MARCHF8: variants seen among roughly 807,000 people sequenced by gnomAD.
MARCHF8 encodes E3 ubiquitin-protein ligase MARCHF8.
MARCHF8 carries 40 observed loss-of-function variants against 51.6 expected under a neutral mutation model. The ratio of observed to expected loss-of-function variants is 0.77; its 90% CI spans 0.60 to 1.01. The LOEUF (loss-of-function observed/expected upper bound fraction) is 1.01. Ranked by LOEUF, MARCHF8 falls within the 50% of genes least tolerant of loss-of-function variation. The pLI is 0.00. For synonymous variants in MARCHF8, 263 were observed against 280.3 expected (o/e 0.94, Z 0.62); for missense variants, 685 against 708.6 (o/e 0.97, Z 0.38).
At chr10:45,524,498 T>C (rs2043759393) in intron 2 of MARCHF8, among the ~76,000 whole-genome samples, 2 of 152,196 alleles carry the variant, frequency 1.3e-5, no homozygotes, top group Non-Finnish European at 2.9e-5. Flanking sequence ...GTAAGGTAGA[T>C]GGATGATTCA....
Position 45,550,640 on chromosome 10 carries a change from T to G in MARCHF8, c.-78-17351A>C, listed in dbSNP as rs187536025. The stretch of plus-strand genomic sequence containing the variant: ...ACCCCCTGACCATCCGAGATATGTC[T>G]GCCCAGGCAGGACAAATCTTCTCAA... On this transcript the variant is annotated intron_variant, in intron 1 of 6. Transcript: ENST00000319836. Among the ~76,000 whole-genome samples, 18 of 152,170 alleles carry G rather than the reference T, an allele frequency of 1.2e-4. No homozygotes were observed. The East Asian group carries it at 3.1e-3, about 26-fold the overall frequency.
chr10:45,560,046 A>G (rs780785072), intron 1 of MARCHF8, among the ~76,000 whole-genome samples: 8 of 152,114 alleles, frequency 5.3e-5, no homozygotes, highest in Non-Finnish European at 1.0e-4. Context: ...GGAAGAGGCT[A>G]ATTAGGTAAG....
chr10:45,463,655 T>C lies in MARCHF8; in HGVS notation c.584A>G (p.Asn195Ser), dbSNP rs918221766. ...ILPQDTCLRT[N>S]RFHHKEKRTL... The stretch of plus-strand genomic sequence containing the variant: ...TCTTTTTTCTTTATGATGAAACCTG[T>C]TAGTTCTGAGACACGTATCTTGAGG... The change falls in exon 5 of 8, where the codon AAC becomes AGC. Residue 195 changes from asparagine (N) to serine (S), a missense_variant. Asn to Ser is a conservative substitution (Grantham distance 46). Coordinates refer to ENST00000453424, the MANE Select transcript of MARCHF8 (RefSeq NM_001282866.2). 6.4e-7 allele frequency: 1 copy of C among 1,550,626 alleles called. No homozygotes were observed. Among genetic ancestry groups the C allele is most frequent in the African/African-American group, 1.4e-5 (1 of 73,052 alleles).
At chr10:45,534,470 C>T (rs1242563613) in intron 1 of MARCHF8, among the ~76,000 whole-genome samples, 1 of 152,044 alleles carries the variant, frequency 6.6e-6, no homozygotes, top group African/African-American at 2.4e-5. Flanking sequence ...CTTACGCATC[C>T]CCCAAAATGT....
intron 1 of MARCHF8, chr10:45,553,233 AAGAT>A (rs2044215168): frequency 1.3e-5 from 2 of 152,178 alleles, no homozygotes; most frequent in Admixed American, 6.6e-5. Context: ...TTTAAAAAAA[AAGAT>A]AGAATTCTAT....
chr10:45,588,808 C>G (rs2044645608), intron 1 of MARCHF8, among the ~76,000 whole-genome samples: 1 of 151,924 alleles, frequency 6.6e-6, no homozygotes. Context: ...ACCATCCTGG[C>G]TAACACAGTG....
chr10:45,485,682 A>G (rs576579331), intron 3 of MARCHF8, among the ~76,000 whole-genome samples: 9 of 152,322 alleles, frequency 5.9e-5, no homozygotes, highest in African/African-American at 2.2e-4. Context: ...GGCATGATTA[A>G]AGGTTTATTT....
At chr10:45,464,380 T>G in intron 3 of MARCHF8, 53 bp from the exon 4 acceptor site, 1 of 1,471,828 alleles carries the variant, frequency 6.8e-7, no homozygotes, top group African/African-American at 1.4e-5. Context: ...GGGGATTGTG[T>G]GCACTGTCTC....
At chr10:45,550,401 T>C (rs78316263) in intron 1 of MARCHF8, among the ~76,000 whole-genome samples, 1 of 152,150 alleles carries the variant, frequency 6.6e-6, no homozygotes, top group Non-Finnish European at 1.5e-5. Flanking sequence ...TGGCCAAAGT[T>C]TGTAACAGAA....
intron 3 of MARCHF8, among the ~76,000 whole-genome samples, chr10:45,480,892 C>T (rs1781188876): frequency 6.6e-6 from 1 of 152,224 alleles, no homozygotes; most frequent in Non-Finnish European, 1.5e-5. Context: ...ATCCTCCCAA[C>T]TCCAGAATGG....
intron 3 of MARCHF8, among the ~76,000 whole-genome samples, chr10:45,476,204 G>C (rs1446527585): frequency 6.6e-6 from 1 of 152,128 alleles, no homozygotes; most frequent in African/African-American, 2.4e-5. Flanking sequence ...TAATTCTCCA[G>C]CAATAAATTC....
At chr10:45,549,062 G>T (rs2044164391) in intron 1 of MARCHF8, among the ~76,000 whole-genome samples, 1 of 152,042 alleles carries the variant, frequency 6.6e-6, no homozygotes, top group Non-Finnish European at 1.5e-5. Flanking sequence ...GCTCTTCAGT[G>T]CTTGCCCTGC....
chr10:45,565,635 GAA>G (rs1312859101), intron 1 of MARCHF8, among the ~76,000 whole-genome samples: 1 of 151,162 alleles, frequency 6.6e-6, no homozygotes, highest in Non-Finnish European at 1.5e-5. Context: ...CCCTAAAGTA[GAA>G]AAAGAGTAGC....
chr10:45,505,441 C>T (rs952833926), intron 2 of MARCHF8, among the ~76,000 whole-genome samples: 7 of 152,172 alleles, frequency 4.6e-5, no homozygotes, highest in Non-Finnish European at 8.8e-5. Context: ...AGTTAAGTTG[C>T]TATCCATTTA....
chr10:45,557,881 G>A (rs535317409), intron 1 of MARCHF8, among the ~76,000 whole-genome samples: 1 of 152,274 alleles, frequency 6.6e-6, no homozygotes, highest in Admixed American at 6.5e-5. Flanking sequence ...ACCTGGGGAA[G>A]CACTATGCAA....
chr10:45,512,562 C>A (rs1375812200), intron 2 of MARCHF8, among the ~76,000 whole-genome samples: 7 of 145,682 alleles, frequency 4.8e-5, no homozygotes, highest in African/African-American at 1.5e-4. Context: ...AAGTGAGGAG[C>A]CCCTCTGCCC....
intron 1 of MARCHF8, among the ~76,000 whole-genome samples, chr10:45,550,152 T>G (rs1253051201): frequency 2.0e-5 from 3 of 152,246 alleles, no homozygotes; most frequent in African/African-American, 7.2e-5. Context: ...AGTGTTTTTA[T>G]AAGGTGTTTT....
chr10:45,531,343 A>G (rs1457161715), intron 2 of MARCHF8, among the ~76,000 whole-genome samples: 2 of 152,216 alleles, frequency 1.3e-5, no homozygotes, highest in Admixed American at 1.3e-4. Flanking sequence ...AACTCACATT[A>G]TAAGAAATGC....
chr10:45,535,603 C>T (rs1172066572), upstream of MARCHF8, among the ~76,000 whole-genome samples: 3 of 152,194 alleles, frequency 2.0e-5, no homozygotes, highest in Non-Finnish European at 2.9e-5. Flanking sequence ...AAACAATCTC[C>T]CTCCTATGCC....
Sources: allele counts gnomAD v4.1 joint callset (sites outside exome capture counted in the v4.1 genomes callset), GRCh38; gene constraint gnomAD v4.1.1; transcripts MANE v1.5; gene names NCBI Gene and HGNC (gene_info 2026-07-23, HGNC 2026-07-21).